GBP4: variants seen among roughly 807,000 people sequenced by gnomAD.
GBP4 encodes guanylate binding protein 4.
In GBP4, 69 loss-of-function variants were observed where a neutral mutation model predicts 62.2. That is an observed-to-expected ratio of 1.11 (90% CI 0.91 to 1.36). The LOEUF is 1.36. Ranked by LOEUF, GBP4 falls within the 40% of genes most tolerant of loss-of-function variation. GBP4 has a pLI of 0.00. For synonymous variants in GBP4, 278 were observed against 274.6 expected (o/e 1.01, Z -0.12); for missense variants, 697 against 759.3 (o/e 0.92, Z 0.96).
At position 89,182,685 on chromosome 1, in the gene GBP4, T is replaced by C. The variant is rs1439228694; in HGVS notation, c.*2569A>G. ...TTAGTAGAGACGGGGTTTCACCGTG[T>C]TAGCCAGGATGGTCTCGATCTCCTG... On this transcript the variant is annotated 3_prime_UTR_variant, in exon 11 of 11. Coordinates refer to ENST00000355754, the MANE Select transcript of GBP4 (RefSeq NM_052941.5). 6.6e-6 allele frequency: 1 copy of C among 152,124 alleles called. No homozygotes were observed. The highest frequency in any genetic ancestry group is 1.5e-5 in the Non-Finnish European group (1 of 68,028). The allele number at this position is 152,124 out of a possible 1,614,324, so 9.4% of individuals were successfully genotyped here. A position where few individuals can be genotyped will look rare whatever the true frequency, so the allele number is the denominator to read the frequency against.
At chr1:89,198,125 T>G (rs1313590562) in intron 1 of GBP4, among the ~76,000 whole-genome samples, 1 of 152,128 alleles carries the variant, frequency 6.6e-6, no homozygotes, top group Non-Finnish European at 1.5e-5. Flanking sequence ...TGCAGGGGCT[T>G]TAATTCTATC....
At position 89,188,204 on chromosome 1, in the gene GBP4, C is replaced by T. The variant is rs147632545; in HGVS notation, c.1410+378G>A. On this transcript the variant is annotated intron_variant, in intron 8 of 10. Coordinates refer to ENST00000355754, the MANE Select transcript of GBP4 (RefSeq NM_052941.5). ...ATCATCATATTAGTACATACCAGTA[C>T]GATAACCGTAATTGTACCCTATCCA... is the stretch of plus-strand genomic sequence containing the variant. 1.7e-4 allele frequency among the ~76,000 whole-genome samples: 26 copies of T among 152,146 alleles called. No individual in the cohort carries two copies. The East Asian group carries it at 3.3e-3, about 19-fold the overall frequency.
chr1:89,197,864 G>A (rs975555244), intron 1 of GBP4, among the ~76,000 whole-genome samples: 2 of 152,070 alleles, frequency 1.3e-5, no homozygotes, highest in Admixed American at 1.3e-4. Context: ...AGCTCTATTT[G>A]TTGTAACCCA....
At chr1:89,193,515 A>C in intron 3 of GBP4, 103 bp from the exon 4 acceptor site, 1 of 975,298 alleles carries the variant, frequency 1.0e-6, no homozygotes, top group Non-Finnish European at 1.6e-6. Context: ...TAGTTGAATA[A>C]TAGGGTAAAT....
At chr1:89,187,251 C>G in intron 8 of GBP4, 149 bp from the exon 9 acceptor site, 1 of 648,622 alleles carries the variant, frequency 1.5e-6, no homozygotes, top group Non-Finnish European at 2.7e-6. Flanking sequence ...TCCACAGCCA[C>G]AAGAAGTCCA....
At chr1:89,186,267 G>C (rs1314876388) in intron 10 of GBP4, 66 bp downstream of exon 10, 1 of 1,367,576 alleles carries the variant, frequency 7.3e-7, no homozygotes, top group African/African-American at 1.4e-5. Flanking sequence ...TAAAATTTTG[G>C]TCCTTCCTTT....
chr1:89,197,423 TTTTAATGGTATATAAATATATTTCTACG>T, intron 1 of GBP4, 119 bp from the exon 2 acceptor site: 2 of 652,920 alleles, frequency 3.1e-6, no homozygotes, highest in Non-Finnish European at 5.0e-6. Flanking sequence ...AATTTCTACA[TTTTAATGGTATATAAATATATTTCTACG>T]TTTAATGGTA....
intron 5 of GBP4, among the ~76,000 whole-genome samples, chr1:89,191,866 C>T (rs920552078): frequency 6.6e-6 from 1 of 152,074 alleles, no homozygotes; most frequent in African/African-American, 2.4e-5. Context: ...TATTACAGTC[C>T]TATGTCAGAA....
chr1:89,193,001 A>G lies in GBP4; in HGVS notation c.573T>C (p.Phe191=), dbSNP rs1648229848. ...GGGTAAAATCCCGAACAGTCCAAAT[A>G]AAGTCTGGAAAGAAACTCGCAAACT... is the stretch of plus-strand genomic sequence containing the variant. ...SSEFASFFPD[F]IWTVRDFTLE... Residue 191 remains phenylalanine, a synonymous_variant, in exon 5 of 11, where the codon TTT becomes TTC. Coordinates refer to ENST00000355754, the MANE Select transcript of GBP4 (RefSeq NM_052941.5). The G allele has an allele frequency of 2.5e-6, 4 of 1,614,022 alleles. No homozygotes were observed. Among genetic ancestry groups the G allele is most frequent in the South Asian group, 1.1e-5 (1 of 91,088 alleles).
chr1:89,191,916 A>C (rs1648198790), intron 5 of GBP4, among the ~76,000 whole-genome samples: 1 of 152,252 alleles, frequency 6.6e-6, no homozygotes, highest in African/African-American at 2.4e-5. Flanking sequence ...GCTAGAAATA[A>C]GAAAAATATG....
rs1231129160 is a variant in GBP4 at position 89,191,352 on chromosome 1, A to G, written c.825T>C (p.His275=). The change falls in exon 6 of 11, where the codon CAT becomes CAC. Residue 275 remains histidine, a synonymous_variant. Coordinates refer to ENST00000355754, the MANE Select transcript of GBP4 (RefSeq NM_052941.5). Reference sequence around the variant, plus strand: ...AGAAGTTGTCTGATTGCATAAGGAAATGCCTTTCCAGATTTTCTTCTGGCA... The same window carrying G: ...AGAAGTTGTCTGATTGCATAAGGAAGTGCCTTTCCAGATTTTCTTCTGGCA... ...DEVPEENLER[H]FLMQSDNFCS... is the part of the protein sequence containing the mutation. 1 of 1,614,232 alleles carries G rather than the reference A, an allele frequency of 6.2e-7. No individual in the cohort carries two copies. The highest frequency in any genetic ancestry group is 1.7e-5 in the Admixed American group (1 of 60,034).
intron 10 of GBP4, 78 bp downstream of exon 10, chr1:89,186,255 C>T: frequency 9.1e-7 from 1 of 1,102,892 alleles, no homozygotes; most frequent in Non-Finnish European, 1.3e-6. Context: ...CATGACTGTG[C>T]CTAAAATTTT....
In GBP4 at chr1:89,181,698, AGTC is replaced by A. The variant is rs1647885898; in HGVS notation, c.*3553_*3555del. On this transcript the variant is annotated 3_prime_UTR_variant, in exon 11 of 11. Transcript: ENST00000355754. ...ACTCTCACTAGCCAATATGAGACAC[AGTC>A]AGTTTCCCTAACTCTGTGCCAGCTC... 2 of 152,172 alleles carry A rather than the reference AGTC, an allele frequency of 1.3e-5. No homozygotes were observed. The allele number at this position is 152,172 out of a possible 1,614,324, so 9.4% of individuals were successfully genotyped here.
intron 9 of GBP4, 128 bp downstream of exon 9, chr1:89,186,872 T>C (rs1029141252): frequency 1.3e-6 from 1 of 798,290 alleles, no homozygotes; most frequent in Non-Finnish European, 2.0e-6. Context: ...CCAGAACTTA[T>C]TAATATTTTA....
intron 3 of GBP4, 80 bp downstream of exon 3, chr1:89,195,217 A>C (rs1648298101): frequency 2.1e-6 from 3 of 1,404,402 alleles, no homozygotes; most frequent in Non-Finnish European, 3.0e-6. Context: ...GTTTACAGAG[A>C]TATGTACAGA....
chr1:89,197,917 G>C (rs2100681026), intron 1 of GBP4, among the ~76,000 whole-genome samples: 1 of 152,134 alleles, frequency 6.6e-6, no homozygotes, highest in East Asian at 1.9e-4. Flanking sequence ...GAATTCAGGA[G>C]TCCTTTATTA....
intron 1 of GBP4, 99 bp from the exon 2 acceptor site, chr1:89,197,403 T>G: frequency 1.1e-6 from 1 of 876,608 alleles, no homozygotes. Context: ...GCTTGTGGAA[T>G]GGTATATAAA....
At chr1:89,189,759 C>G (rs1209409338) in intron 7 of GBP4, among the ~76,000 whole-genome samples, 1 of 152,116 alleles carries the variant, frequency 6.6e-6, no homozygotes, top group Non-Finnish European at 1.5e-5. Flanking sequence ...AGCAGAGTAC[C>G]CAGACACCCT....
At chr1:89,196,639 T>C (rs1648348605) in intron 2 of GBP4, among the ~76,000 whole-genome samples, 1 of 152,250 alleles carries the variant, frequency 6.6e-6, no homozygotes, top group South Asian at 2.1e-4. Flanking sequence ...TAGAAGGGAA[T>C]ATAATTTATC....
Sources: gnomAD v4.1 joint callset for allele counts (sites outside exome capture counted in the v4.1 genomes callset) on GRCh38, gnomAD v4.1.1 for gene constraint, MANE v1.5 for transcripts, NCBI Gene and HGNC (gene_info 2026-07-23, HGNC 2026-07-21) for gene names.